ITGA9: variants seen among roughly 807,000 people sequenced by gnomAD.
ITGA9 encodes integrin subunit alpha 9.
A neutral mutation model predicts 127.8 loss-of-function variants in ITGA9; 56 were observed. That is an observed-to-expected ratio of 0.44 (90% confidence interval 0.35 to 0.55). The LOEUF is 0.55. ITGA9 is among the 20% of genes least tolerant of loss of function. ITGA9 has a pLI of 0.00. For missense variants in ITGA9, 1,196 were observed against 1,347.1 expected, an observed-to-expected ratio of 0.89 and a Z score of 1.76; for synonymous variants, 508 against 514.5, an observed-to-expected ratio of 0.99 and a Z score of 0.17.
chr3:37,795,648 G>C (rs1044041318), intron 26 of ITGA9, among the ~76,000 whole-genome samples: 1 of 151,952 alleles, frequency 6.6e-6, no homozygotes, highest in Non-Finnish European at 1.5e-5. Context: ...CTCCAGCCAG[G>C]GTCCGCACCA....
At chr3:37,734,606 C>T (rs1426300104) in intron 19 of ITGA9, among the ~76,000 whole-genome samples, 1 of 152,234 alleles carries the variant, frequency 6.6e-6, no homozygotes, top group East Asian at 1.9e-4. Context: ...TCTCCTGCCT[C>T]AGCCTCCCTG....
At chr3:37,537,610 C>T (rs182414704) in intron 14 of ITGA9, among the ~76,000 whole-genome samples, 27 of 152,294 alleles carry the variant, frequency 1.8e-4, no homozygotes, top group Middle Eastern at 3.4e-3. Context: ...TCCTGGGGCA[C>T]GGAGCAGTGA....
chr3:37,473,887 C>T (rs1405221548), intron 3 of ITGA9, among the ~76,000 whole-genome samples: 1 of 152,158 alleles, frequency 6.6e-6, no homozygotes, highest in Non-Finnish European at 1.5e-5. Context: ...CCAGCCAACT[C>T]CTCTCACCTG....
intron 9 of ITGA9, among the ~76,000 whole-genome samples, chr3:37,515,779 C>T (rs1698978673): frequency 6.6e-6 from 1 of 152,052 alleles, no homozygotes; most frequent in Admixed American, 6.6e-5. Context: ...GTGGTGGTTG[C>T]CTAGGAGGCT....
intron 16 of ITGA9, among the ~76,000 whole-genome samples, chr3:37,633,665 T>C (rs565075540): frequency 6.6e-6 from 1 of 152,338 alleles, no homozygotes; most frequent in Non-Finnish European, 1.5e-5. Flanking sequence ...CATCCATTTC[T>C]CTCTCTTCTG....
At chr3:37,568,676 G>C (rs1699572321) in intron 15 of ITGA9, among the ~76,000 whole-genome samples, 1 of 152,138 alleles carries the variant, frequency 6.6e-6, no homozygotes, top group African/African-American at 2.4e-5. Context: ...CAAACCTCTA[G>C]AGCAGGGGCA....
chr3:37,460,835 C>A (rs1474199777), intron 1 of ITGA9, among the ~76,000 whole-genome samples: 2 of 152,088 alleles, frequency 1.3e-5, no homozygotes, highest in Non-Finnish European at 2.9e-5. Flanking sequence ...GTGATCTGCC[C>A]ACTTTGGCCT....
At chr3:37,470,304 C>T (rs998989830) in intron 1 of ITGA9, among the ~76,000 whole-genome samples, 4 of 152,054 alleles carry the variant, frequency 2.6e-5, no homozygotes, top group African/African-American at 9.7e-5. Flanking sequence ...ATAGTTTTCC[C>T]AGTGGTTTTA....
intron 15 of ITGA9, among the ~76,000 whole-genome samples, chr3:37,616,938 A>C (rs1700080881): frequency 6.6e-6 from 1 of 152,260 alleles, no homozygotes; most frequent in South Asian, 2.1e-4. Context: ...TCTGTCTTTT[A>C]ATTGGAGCAT....
chr3:37,710,791 T>C (rs1701071108), intron 18 of ITGA9, among the ~76,000 whole-genome samples: 1 of 152,174 alleles, frequency 6.6e-6, no homozygotes, highest in African/African-American at 2.4e-5. Context: ...TCTCCGCAGC[T>C]TCCTGAAGAG....
At chr3:37,671,191 C>T (rs1305330318) in intron 17 of ITGA9, among the ~76,000 whole-genome samples, 1 of 152,210 alleles carries the variant, frequency 6.6e-6, no homozygotes, top group Non-Finnish European at 1.5e-5. Flanking sequence ...AGTGAGTGAA[C>T]CTGATTTGTT....
chr3:37,738,883 CATTT>C (rs1037521865), intron 20 of ITGA9, among the ~76,000 whole-genome samples: 8 of 152,324 alleles, frequency 5.3e-5, no homozygotes, highest in African/African-American at 1.7e-4. Flanking sequence ...GTGAAAGGTT[CATTT>C]GTTAGAATAA....
At chr3:37,618,685 C>G (rs559724726) in intron 15 of ITGA9, among the ~76,000 whole-genome samples, 73 of 152,338 alleles carry the variant, frequency 4.8e-4, no homozygotes, top group African/African-American at 1.7e-3. Context: ...CCCAGCCTTG[C>G]TGCTGCCTTG....
intron 23 of ITGA9, among the ~76,000 whole-genome samples, chr3:37,770,000 A>G (rs1026380458): frequency 2.6e-5 from 4 of 152,164 alleles, no homozygotes; most frequent in Non-Finnish European, 4.4e-5. Context: ...CTTCTCAGAC[A>G]TGACAGGTTA....
intron 26 of ITGA9, among the ~76,000 whole-genome samples, chr3:37,800,188 C>T (rs185529481): frequency 1.3e-5 from 2 of 152,314 alleles, no homozygotes; most frequent in Admixed American, 6.5e-5. Context: ...AGACCTCCAA[C>T]GTGGCGTTGC....
intron 18 of ITGA9, among the ~76,000 whole-genome samples, chr3:37,710,979 A>G (rs764410185): frequency 6.6e-6 from 1 of 152,192 alleles, no homozygotes. Context: ...AACAACATTG[A>G]TTAGCCCTCA....
intron 4 of ITGA9, among the ~76,000 whole-genome samples, chr3:37,485,024 T>C (rs1291442377): frequency 6.6e-6 from 1 of 152,152 alleles, no homozygotes; most frequent in Non-Finnish European, 1.5e-5. Context: ...AGTTGCCAGA[T>C]AGACAAAACC....
chr3:37,542,320 AG>A, intron 14 of ITGA9, 104 bp from the exon 15 acceptor site: 1 of 1,180,236 alleles, frequency 8.5e-7, no homozygotes. Context: ...ATGGAAGGGT[AG>A]GTATCATATG....
rs370432815 is a variant in ITGA9, at chr3:37,585,576, A to G, written c.1689+42991A>G. The stretch of plus-strand genomic sequence containing the variant: ...TTCAAGTACAACATTTTCTCTAGCA[A>G]TTATGGGGGTTTTATCTCCCAGATG... On this transcript the variant is annotated intron_variant, in intron 15 of 27. Transcript: ENST00000264741. 3.5e-5 allele frequency: 18 copies of G among 510,076 alleles called. 1 individual carries two copies. The highest frequency in any genetic ancestry group is 1.5e-4 in the African/African-American group (8 of 51,918). 31.6% of individuals were successfully genotyped at this position (510,076 alleles called of 1,614,324 possible).
Sources: allele counts gnomAD v4.1 joint callset (sites outside exome capture counted in the v4.1 genomes callset), GRCh38; gene constraint gnomAD v4.1.1; transcripts MANE v1.5; gene names NCBI Gene and HGNC (gene_info 2026-07-23, HGNC 2026-07-21).